RNF14: variants seen among roughly 807,000 people sequenced by gnomAD.
RNF14 encodes the protein ring finger protein 14.
In RNF14, 26 loss-of-function variants were observed where a neutral mutation model predicts 52.6. The ratio of observed to expected loss-of-function variants is 0.49; its 90% CI spans 0.36 to 0.69. RNF14 has a LOEUF of 0.69. RNF14 is among the 30% of genes least tolerant of loss of function. The probability of loss-of-function intolerance (pLI) is 0.00; values close to 1 mark genes in which losing one functional copy is unlikely to be tolerated. For missense variants in RNF14, 404 were observed against 560.4 expected (o/e 0.72, Z 2.82); for synonymous variants, 194 against 202.0 (o/e 0.96, Z 0.34).
At chr5:141,959,664 C>T (rs1238419895) in intron 1 of RNF14, among the ~76,000 whole-genome samples, 2 of 152,184 alleles carry the variant, frequency 1.3e-5, no homozygotes, top group Non-Finnish European at 2.9e-5. Context: ...CAGTCACCTG[C>T]ACTCCTTCCC....
At chr5:141,978,203 G>A in intron 4 of RNF14, 100 bp from the exon 5 acceptor site, 1 of 984,454 alleles carries the variant, frequency 1.0e-6, no homozygotes, top group Non-Finnish European at 1.5e-6. Context: ...GTTAGAATAA[G>A]GGCCTAACTT....
Position 141,984,923 on chromosome 5 carries a change from T to A in RNF14, c.1357T>A (p.Cys453Ser). 1 of 1,613,886 alleles carries A rather than the reference T, an allele frequency of 6.2e-7. No individual in the cohort carries two copies. The highest frequency in any genetic ancestry group is 2.2e-5 in the East Asian group (1 of 44,852). Residue 453 changes from cysteine to serine, a missense_variant, in exon 8 of 9, where the codon TGT (cysteine) becomes AGT (serine). Transcript: ENST00000394520. ...ACATTTCAATGACCCTGGTTCACCATGTTTTAACCGGTATGTATACACAGA... is the reference window on the plus strand; with the variant it reads ...ACATTTCAATGACCCTGGTTCACCAAGTTTTAACCGGTATGTATACACAGA... ...YKHFNDPGSP[C>S]FNRLFYAVDV... is the part of the protein sequence containing the mutation.
chr5:141,956,449 G>A (rs1249076176), upstream of RNF14: 1 of 1,614,204 alleles, frequency 6.2e-7, no homozygotes, highest in Non-Finnish European at 8.5e-7. Context: ...TTCCCGCGTG[G>A]AGACTTCATA....
chr5:141,960,772 T>G (rs1753268442), intron 1 of RNF14, among the ~76,000 whole-genome samples: 1 of 152,210 alleles, frequency 6.6e-6, no homozygotes, highest in South Asian at 2.1e-4. Context: ...ATCACACAGA[T>G]GTGCCCTCCA....
At chr5:141,981,835 G>C (rs564346769) in intron 6 of RNF14, among the ~76,000 whole-genome samples, 1 of 150,996 alleles carries the variant, frequency 6.6e-6, no homozygotes, top group South Asian at 2.1e-4. Context: ...CTGGGGGACA[G>C]AGTGGGACCC....
intron 6 of RNF14, among the ~76,000 whole-genome samples, chr5:141,983,158 T>G (rs1754928773): frequency 1.3e-5 from 2 of 152,160 alleles, no homozygotes; most frequent in Admixed American, 1.3e-4. Flanking sequence ...TAATTGAATA[T>G]TATGTCATTA....
the RNF14 span, chr5:141,951,709 T>C: frequency 1.3e-6 from 1 of 772,250 alleles, no homozygotes; most frequent in Non-Finnish European, 2.2e-6. Flanking sequence ...GCTTCAGATG[T>C]TTGTGTGATC....
intron 5 of RNF14, among the ~76,000 whole-genome samples, chr5:141,979,294 G>C (rs1280771620): frequency 6.6e-6 from 1 of 152,078 alleles, no homozygotes; most frequent in African/African-American, 2.4e-5. Context: ...GTGTCACCCA[G>C]GATGGAGTGC....
At position 141,978,302 on chromosome 5, in the gene RNF14, G is replaced by C. The variant is rs760539278; in HGVS notation, c.307-1G>C. 2.6e-6 allele frequency: 4 copies of C among 1,565,322 alleles called. No individual in the cohort carries two copies. In the African/African-American group the frequency reaches 5.5e-5, roughly 21 times the overall value. On this transcript the variant is annotated splice_acceptor_variant, in intron 4 of 8. Transcript: ENST00000394520. LOFTEE classifies it high-confidence loss of function. ...CAACATCTTCATGTGTTTTCTCCTA[G>C]CTATCTGCTCTATGCAAGCACTTAG...
upstream of RNF14, chr5:141,956,160 C>T (rs763439771): frequency 1.2e-6 from 2 of 1,614,100 alleles, no homozygotes; most frequent in Non-Finnish European, 1.7e-6. Flanking sequence ...GCTGGACCAC[C>T]TCTGGGGCAT....
upstream of RNF14, chr5:141,956,398 T>C: frequency 6.2e-7 from 1 of 1,614,250 alleles, no homozygotes; most frequent in Non-Finnish European, 8.5e-7. Flanking sequence ...GTCTGCATCA[T>C]GAGCCTTGAT....
chr5:141,953,288 A>G, the RNF14 span: 2 of 152,226 alleles, frequency 1.3e-5, no homozygotes, highest in Non-Finnish European at 2.9e-5. Flanking sequence ...CTCAACAGTA[A>G]AAAAAGTGCA....
intron 8 of RNF14, among the ~76,000 whole-genome samples, 181 bp from the exon 9 acceptor site, chr5:141,987,552 C>A (rs1268532519): frequency 6.6e-6 from 1 of 152,136 alleles, no homozygotes; most frequent in Non-Finnish European, 1.5e-5. Context: ...CCATTCTTAA[C>A]TAACTTTAGG....
rs764396561 is a variant in RNF14, at chr5:141,980,155, C to T, written c.867C>T (p.Ala289=). 2 of 1,614,150 alleles carry T rather than the reference C, an allele frequency of 1.2e-6. No homozygotes were observed. The highest frequency in any genetic ancestry group is 2.2e-5 in the South Asian group (2 of 91,084). The change falls in exon 6 of 9, where the codon GCC becomes GCT. Residue 289 remains alanine, a synonymous_variant. Transcript: ENST00000394520. The stretch of plus-strand genomic sequence containing the variant: ...AGTTAGTGGAAGCAGAGTTATTTGC[C>T]CGTTATGACCGCCTTCTCCTCCAGT... The part of the protein sequence containing the change: ...VKELVEAELF[A]RYDRLLLQSS...
intron 2 of RNF14, among the ~76,000 whole-genome samples, chr5:141,971,377 G>T (rs186580074): frequency 3.6e-4 from 55 of 152,090 alleles, no homozygotes; most frequent in African/African-American, 1.3e-3. Context: ...GAGTAGCTGG[G>T]ACTACAGGCA....
At chr5:141,962,318 G>A (rs1302422808), upstream of RNF14, among the ~76,000 whole-genome samples, 1 of 152,190 alleles carries the variant, frequency 6.6e-6, no homozygotes, top group Non-Finnish European at 1.5e-5. Flanking sequence ...TTTATGTCTT[G>A]GTTAACAGCG....
At chr5:141,953,271 C>T in the RNF14 span, 7 of 152,310 alleles carry the variant, frequency 4.6e-5, no homozygotes, top group African/African-American at 1.7e-4. Flanking sequence ...GAAAATTACT[C>T]AGTTTCCTCA....
chr5:141,986,144 G>A lies in RNF14; in HGVS notation c.1367+1211G>A, dbSNP rs1478287012. Among the ~76,000 whole-genome samples the A allele has an allele frequency of 1.3e-5, 2 of 152,158 alleles. 1 individual carries two copies. The highest frequency in any genetic ancestry group is 4.8e-5 in the African/African-American group (2 of 41,444). On this transcript the variant is annotated intron_variant, in intron 8 of 8. Transcript: ENST00000394520. ...ATTGTAAAGGCAAGTTTTCCATTTT[G>A]TTATTAGGAAGTAATCTGTGGGGTG...
At chr5:141,978,250 G>T in intron 4 of RNF14, 53 bp from the exon 5 acceptor site, 1 of 1,472,888 alleles carries the variant, frequency 6.8e-7, no homozygotes. Flanking sequence ...CCAGGAGTTG[G>T]CAGCAGCATC....
Sources: gnomAD v4.1 joint callset for allele counts (sites outside exome capture counted in the v4.1 genomes callset) on GRCh38, gnomAD v4.1.1 for gene constraint, MANE v1.5 for transcripts, NCBI Gene and HGNC (gene_info 2026-07-23, HGNC 2026-07-21) for gene names.